The following PKIB variants were observed in gnomAD, a reference collection of about 807,000 sequenced individuals.
PKIB encodes the protein cAMP-dependent protein kinase inhibitor beta.
In PKIB, 2 loss-of-function variants were observed where a neutral mutation model predicts 4.5. That is an observed-to-expected ratio of 0.44 (90% CI 0.18 to 1.39). The LOEUF (loss-of-function observed/expected upper bound fraction) is 1.39. Ranked by LOEUF, PKIB falls within the 40% of genes most tolerant of loss-of-function variation. The pLI, the probability that PKIB is intolerant of heterozygous loss-of-function variation, is 0.27. For missense variants in PKIB, 94 were observed against 92.6 expected (o/e 1.02, Z -0.06); for synonymous variants, 38 against 36.0 (o/e 1.06, Z -0.20).
intron 2 of PKIB, among the ~76,000 whole-genome samples, chr6:122,519,660 C>T (rs1776874074): frequency 1.3e-5 from 2 of 152,192 alleles, no homozygotes; most frequent in Non-Finnish European, 2.9e-5. Flanking sequence ...AATACAATTT[C>T]ACTAGTAGAG....
intron 2 of PKIB, among the ~76,000 whole-genome samples, chr6:122,522,421 C>T (rs996188386): frequency 6.6e-6 from 1 of 152,106 alleles, no homozygotes; most frequent in African/African-American, 2.4e-5. Context: ...CCAGGCACCA[C>T]TGGGGTACAA....
chr6:122,622,437 T>A (rs537231461), intron 1 of PKIB, among the ~76,000 whole-genome samples: 2 of 152,182 alleles, frequency 1.3e-5, no homozygotes, highest in Non-Finnish European at 2.9e-5. Context: ...ATCCTTTAGG[T>A]AGGAACTAGC....
Position 122,659,518 on chromosome 6 carries a change from TG to T in PKIB, c.-75-15559del, listed in dbSNP as rs144939306. On this transcript the variant is annotated intron_variant, in intron 2 of 4. Coordinates refer to ENST00000368452, the MANE Select transcript of PKIB (RefSeq NM_181795.3). Reference sequence around the variant, plus strand: ...TTGATTGTTTTCCCCACAAAAGTACTGAGTAAACTTAACTTAGTGAAAGGAA... The same window carrying T: ...TTGATTGTTTTCCCCACAAAAGTACTAGTAAACTTAACTTAGTGAAAGGAA... Among the ~76,000 whole-genome samples, 859 of 152,276 alleles carry T rather than the reference TG, an allele frequency of 5.6e-3. 10 individuals are homozygous for T. The highest frequency in any genetic ancestry group is 0.018 in the African/African-American group (753 of 41,568).
intron 2 of PKIB, among the ~76,000 whole-genome samples, chr6:122,506,052 A>G (rs1167416493): frequency 6.6e-6 from 1 of 152,170 alleles, no homozygotes; most frequent in Non-Finnish European, 1.5e-5. Context: ...CTAAAAATAA[A>G]TCTTTTTGTT....
intron 2 of PKIB, among the ~76,000 whole-genome samples, chr6:122,501,045 A>G (rs538350506): frequency 1.3e-5 from 2 of 152,220 alleles, no homozygotes; most frequent in Non-Finnish European, 2.9e-5. Context: ...ACAATTTGAC[A>G]TGAGATTTGA....
At chr6:122,683,325 G>A (rs1777973687) in intron 3 of PKIB, among the ~76,000 whole-genome samples, 1 of 152,078 alleles carries the variant, frequency 6.6e-6, no homozygotes, top group Non-Finnish European at 1.5e-5. Context: ...AGGCAAAGGG[G>A]GAACAGTCAT....
At chr6:122,551,077 C>G (rs868293932) in intron 2 of PKIB, among the ~76,000 whole-genome samples, 1 of 152,210 alleles carries the variant, frequency 6.6e-6, no homozygotes, top group Middle Eastern at 3.4e-3. Flanking sequence ...TCTCTGTTAT[C>G]CTAAAATTTC....
chr6:122,652,040 T>G (rs1033967692), intron 2 of PKIB, among the ~76,000 whole-genome samples: 1 of 152,154 alleles, frequency 6.6e-6, no homozygotes, highest in African/African-American at 2.4e-5. Context: ...AGAATTGTCT[T>G]TAATACCTTT....
chr6:122,654,083 C>T (rs1194935115), intron 2 of PKIB, among the ~76,000 whole-genome samples: 1 of 152,166 alleles, frequency 6.6e-6, no homozygotes, highest in Non-Finnish European at 1.5e-5. Flanking sequence ...TTATTTTAGG[C>T]CAGATAATGT....
chr6:122,670,471 A>G (rs2815597), intron 2 of PKIB, among the ~76,000 whole-genome samples: 94,282 of 151,556 alleles, frequency 0.62, 29,664 homozygotes, highest in East Asian at 0.84. Context: ...CCCATCACCC[A>G]TTCTTTCTTA....
chr6:122,689,211 C>G (rs1778227041), intron 3 of PKIB, among the ~76,000 whole-genome samples: 1 of 151,996 alleles, frequency 6.6e-6, no homozygotes, highest in Admixed American at 6.6e-5. Flanking sequence ...TTTCTAAAAA[C>G]CGAATTTTCG....
intron 3 of PKIB, among the ~76,000 whole-genome samples, chr6:122,695,372 T>C (rs905686885): frequency 1.3e-5 from 2 of 152,128 alleles, no homozygotes; most frequent in African/African-American, 4.8e-5. Flanking sequence ...TTACACATAT[T>C]ATATACATTA....
intron 2 of PKIB, among the ~76,000 whole-genome samples, chr6:122,659,534 A>C (rs1191488727): frequency 1.3e-5 from 2 of 152,196 alleles, no homozygotes; most frequent in Admixed American, 6.5e-5. Context: ...AACTTAACTT[A>C]GTGAAAGGAA....
At chr6:122,578,527 A>G (rs1277922601) in intron 2 of PKIB, among the ~76,000 whole-genome samples, 1 of 151,948 alleles carries the variant, frequency 6.6e-6, no homozygotes, top group Non-Finnish European at 1.5e-5. Flanking sequence ...TGTCTTTTCA[A>G]TTCCCTATAT....
intron 2 of PKIB, among the ~76,000 whole-genome samples, chr6:122,633,936 A>G (rs1208712258): frequency 6.7e-6 from 1 of 150,254 alleles, no homozygotes; most frequent in Admixed American, 6.6e-5. Context: ...TGTCCTATCT[A>G]TCTATCTATC....
chr6:122,474,381 C>T (rs1351423679), intron 1 of PKIB, among the ~76,000 whole-genome samples: 1 of 152,058 alleles, frequency 6.6e-6, no homozygotes, highest in Non-Finnish European at 1.5e-5. Context: ...CTAAACTTGA[C>T]CTTAAAAAAT....
intron 3 of PKIB, among the ~76,000 whole-genome samples, chr6:122,599,459 T>C (rs1582726130): frequency 6.6e-6 from 1 of 152,202 alleles, no homozygotes; most frequent in East Asian, 1.9e-4. Flanking sequence ...ACTCGCACGA[T>C]AAGAGCTTAT....
At chr6:122,629,428 GA>G (rs1374290899) in intron 1 of PKIB, among the ~76,000 whole-genome samples, 1 of 121,882 alleles carries the variant, frequency 8.2e-6, no homozygotes, top group African/African-American at 2.7e-5. Context: ...ATAAATAATT[GA>G]ATACATAAAT....
At chr6:122,521,631 G>C (rs780358640) in intron 2 of PKIB, among the ~76,000 whole-genome samples, 2 of 152,222 alleles carry the variant, frequency 1.3e-5, no homozygotes, top group Non-Finnish European at 2.9e-5. Flanking sequence ...AGTGAGCTGA[G>C]ATCAGGCCAC....
Sources: allele counts gnomAD v4.1 joint callset (sites outside exome capture counted in the v4.1 genomes callset), GRCh38; gene constraint gnomAD v4.1.1; transcripts MANE v1.5; gene names NCBI Gene and HGNC (gene_info 2026-07-23, HGNC 2026-07-21).